TBCA: variants seen among roughly 807,000 people sequenced by gnomAD.
TBCA encodes the protein tubulin-specific chaperone A.
TBCA carries 6 observed loss-of-function variants against 15.8 expected under a neutral mutation model. The observed-to-expected ratio is 0.38, with a 90% CI of 0.21 to 0.75. The LOEUF (loss-of-function observed/expected upper bound fraction) is 0.75. Ranked by LOEUF, TBCA falls within the 30% of genes least tolerant of loss-of-function variation. The pLI is 0.46. For synonymous variants in TBCA, 32 were observed against 42.3 expected (o/e 0.76, Z 0.94); for missense variants, 90 against 131.2 (o/e 0.69, Z 1.53).
intron 1 of TBCA, among the ~76,000 whole-genome samples, chr5:77,711,224 CATT>C (rs1746271678): frequency 6.6e-6 from 1 of 152,108 alleles, no homozygotes; most frequent in Non-Finnish European, 1.5e-5. Flanking sequence ...TATACTCATT[CATT>C]TATGTATCAT....
intron 1 of TBCA, among the ~76,000 whole-genome samples, chr5:77,726,428 A>G (rs2112462252): frequency 6.6e-6 from 1 of 152,352 alleles, no homozygotes; most frequent in East Asian, 1.9e-4. Context: ...GGAAAATCAT[A>G]TTCTTTTGAG....
chr5:77,745,700 T>C (rs1747171415), intron 1 of TBCA, among the ~76,000 whole-genome samples: 1 of 152,192 alleles, frequency 6.6e-6, no homozygotes, highest in South Asian at 2.1e-4. Flanking sequence ...ATATAGTGCC[T>C]TATACGTAGT....
At chr5:77,772,767 T>A (rs190038137) in intron 1 of TBCA, among the ~76,000 whole-genome samples, 3 of 152,294 alleles carry the variant, frequency 2.0e-5, no homozygotes, top group African/African-American at 4.8e-5. Flanking sequence ...TATAAGCAAT[T>A]TGAGATAATA....
intron 2 of TBCA, among the ~76,000 whole-genome samples, chr5:77,706,162 C>T (rs1421338183): frequency 6.6e-6 from 1 of 152,072 alleles, no homozygotes; most frequent in Non-Finnish European, 1.5e-5. Flanking sequence ...GTGTGATTAC[C>T]AATTATGCCA....
intron 1 of TBCA, among the ~76,000 whole-genome samples, chr5:77,750,149 T>TAG (rs1489054272): frequency 4.7e-5 from 7 of 150,274 alleles, no homozygotes; most frequent in Admixed American, 2.0e-4. Context: ...TCTATATATA[T>TAG]AGAGAGAGAG....
chr5:77,715,452 C>A, intron 1 of TBCA: 1 of 526,394 alleles, frequency 1.9e-6, no homozygotes, highest in Non-Finnish European at 3.4e-6. Flanking sequence ...GGAACAGAGA[C>A]AATGAGTAAT....
chr5:77,716,298 T>A (rs1407165502), intron 1 of TBCA, among the ~76,000 whole-genome samples: 1 of 152,216 alleles, frequency 6.6e-6, no homozygotes. Flanking sequence ...GTTGGATGAA[T>A]GACATCTGAG....
At chr5:77,691,576 C>T (rs989114203) in intron 3 of TBCA, 78 bp from the exon 4 acceptor site, 9 of 1,451,448 alleles carry the variant, frequency 6.2e-6, no homozygotes, top group South Asian at 1.4e-5. Context: ...ATATTACAAA[C>T]CATTAATGTT....
At chr5:77,758,408 C>G (rs1747526955) in intron 1 of TBCA, among the ~76,000 whole-genome samples, 1 of 152,088 alleles carries the variant, frequency 6.6e-6, no homozygotes, top group Non-Finnish European at 1.5e-5. Flanking sequence ...TCACTCTGAC[C>G]CCTGTCACAT....
intron 2 of TBCA, among the ~76,000 whole-genome samples, chr5:77,696,191 T>C (rs1745867880): frequency 6.6e-6 from 1 of 152,186 alleles, no homozygotes; most frequent in African/African-American, 2.4e-5. Flanking sequence ...GGCTATACCT[T>C]TAGCTATAAC....
chr5:77,732,282 C>T (rs1746790272), intron 1 of TBCA, among the ~76,000 whole-genome samples: 1 of 152,174 alleles, frequency 6.6e-6, no homozygotes, highest in African/African-American at 2.4e-5. Flanking sequence ...CCTATGAAAT[C>T]ATACACAGGC....
chr5:77,736,624 G>GA (rs1256696979), intron 1 of TBCA, among the ~76,000 whole-genome samples: 1 of 152,166 alleles, frequency 6.6e-6, no homozygotes, highest in South Asian at 2.1e-4. Context: ...ATGAGCTCTG[G>GA]AGACTTTTAC....
At chr5:77,695,958 A>C (rs1285198727) in intron 2 of TBCA, among the ~76,000 whole-genome samples, 1 of 152,220 alleles carries the variant, frequency 6.6e-6, no homozygotes, top group African/African-American at 2.4e-5. Context: ...GGTTCAGGTT[A>C]TAACAATGAA....
intron 1 of TBCA, among the ~76,000 whole-genome samples, chr5:77,745,038 A>C (rs1362537551): frequency 6.6e-6 from 1 of 152,218 alleles, no homozygotes; most frequent in Admixed American, 6.5e-5. Flanking sequence ...TTCACATTAC[A>C]TATTGTGAAA....
chr5:77,770,884 C>T (rs752428823), intron 1 of TBCA, among the ~76,000 whole-genome samples: 1 of 152,212 alleles, frequency 6.6e-6, no homozygotes, highest in Non-Finnish European at 1.5e-5. Flanking sequence ...GCCTATAATT[C>T]CAGCACTTTG....
intron 1 of TBCA, among the ~76,000 whole-genome samples, chr5:77,772,003 G>GA: frequency 6.6e-6 from 1 of 151,864 alleles, no homozygotes; most frequent in African/African-American, 2.4e-5. Flanking sequence ...TGAGGCTATG[G>GA]AAAATGAACG....
At chr5:77,699,883 C>G (rs1745967035) in intron 2 of TBCA, among the ~76,000 whole-genome samples, 1 of 151,886 alleles carries the variant, frequency 6.6e-6, no homozygotes, top group South Asian at 2.1e-4. Flanking sequence ...ACTAAAAATA[C>G]AAAAATTAGC....
intron 1 of TBCA, among the ~76,000 whole-genome samples, chr5:77,719,055 C>G (rs1247698288): frequency 6.6e-6 from 1 of 152,150 alleles, no homozygotes; most frequent in South Asian, 2.1e-4. Context: ...GAAAATATGT[C>G]TCATATCACA....
chr5:77,734,926 T>A (rs1285836104), intron 1 of TBCA, among the ~76,000 whole-genome samples: 4 of 152,202 alleles, frequency 2.6e-5, no homozygotes, highest in Non-Finnish European at 4.4e-5. Flanking sequence ...AGCAAAAAGA[T>A]TACAATTCAC....
Sources: gnomAD v4.1 joint callset for allele counts (sites outside exome capture counted in the v4.1 genomes callset) on GRCh38, gnomAD v4.1.1 for gene constraint, MANE v1.5 for transcripts, NCBI Gene and HGNC (gene_info 2026-07-23, HGNC 2026-07-21) for gene names.